DKK3: variants seen among roughly 807,000 people sequenced by gnomAD.
DKK3 encodes dickkopf-related protein 3.
Under a neutral mutation model 33.2 loss-of-function variants are expected in DKK3, and 22 were observed. That is an observed-to-expected ratio of 0.66 (90% CI 0.47 to 0.95). The LOEUF is 0.95. DKK3 is among the 40% of genes least tolerant of loss of function. The pLI is 0.00. For missense variants in DKK3, 398 were observed against 458.4 expected, an observed-to-expected ratio of 0.87 and a Z score of 1.20; for synonymous variants, 194 against 188.8, an observed-to-expected ratio of 1.03 and a Z score of -0.23.
chr11:11,964,938 C>G (rs1847551302), intron 6 of DKK3, among the ~76,000 whole-genome samples: 1 of 152,188 alleles, frequency 6.6e-6, no homozygotes, highest in South Asian at 2.1e-4. Flanking sequence ...TCCTGTGACT[C>G]TCAGGCCCCG....
At chr11:12,009,461 TCACGCCC>T (rs940619822), upstream of DKK3, 9 of 870,292 alleles carry the variant, frequency 1.0e-5, no homozygotes, top group Non-Finnish European at 1.2e-5. Context: ...GCCGGCCACC[TCACGCCC>T]CACGCCCCAC....
chr11:11,997,570 GA>G (rs1425442062), intron 3 of DKK3, among the ~76,000 whole-genome samples: 1 of 152,156 alleles, frequency 6.6e-6, no homozygotes, highest in East Asian at 1.9e-4. Context: ...TGAAGATGGG[GA>G]AACTGAGGTG....
chr11:12,008,670 C>G, upstream of DKK3: 1 of 1,223,502 alleles, frequency 8.2e-7, no homozygotes, highest in Non-Finnish European at 1.0e-6. The surrounding 1 kb of genome is among the most constrained non-coding windows in gnomAD (Gnocchi z 4.6). Flanking sequence ...GCCCGCCGCC[C>G]CGCCCCGTTC....
upstream of DKK3, chr11:12,009,294 G>A: frequency 1.0e-6 from 1 of 983,376 alleles, no homozygotes; most frequent in South Asian, 4.7e-5. Flanking sequence ...GCGGGAGCGC[G>A]GCGGGGTGCG....
chr11:11,977,023 C>G (rs1356350290), intron 3 of DKK3, among the ~76,000 whole-genome samples: 1 of 152,150 alleles, frequency 6.6e-6, no homozygotes, highest in Non-Finnish European at 1.5e-5. Context: ...TGTGGAAAAA[C>G]CCAGGCAGGA....
At position 11,998,594 on chromosome 11, in the gene DKK3, C is replaced by A. The variant is rs908503036; in HGVS notation, c.435+102G>T. ...GGTAGAAATGAGTCAGGAGACTCCA[C>A]TCCCTCCTGCCCATGGTCTGCATCT... On this transcript the variant is annotated intron_variant, in intron 3 of 6. Coordinates refer to ENST00000683431, the MANE Select transcript of DKK3 (RefSeq NM_001018057.2). 5.3e-5 allele frequency: 53 copies of A among 1,006,532 alleles called. No homozygotes were observed. In the African/African-American group the frequency reaches 7.0e-4, roughly 13 times the overall value. 62.4% of individuals were successfully genotyped at this position (1,006,532 alleles called of 1,614,324 possible).
At position 11,993,759 on chromosome 11, in the gene DKK3, T is replaced by G. The variant is rs112917972; in HGVS notation, c.435+4937A>C. ...GAAACACAAATGTACCCAAACTCTG[T>G]GTGGTTGTCAGACTATGGAACTGAA... is the stretch of plus-strand genomic sequence containing the variant. On this transcript the variant is annotated intron_variant, in intron 3 of 6. Coordinates refer to ENST00000683431, the MANE Select transcript of DKK3 (RefSeq NM_001018057.2). 7.0e-3 allele frequency among the ~76,000 whole-genome samples: 1,064 copies of G among 152,312 alleles called. 8 individuals are homozygous for G. Among genetic ancestry groups the G allele is most frequent in the Non-Finnish European group, 0.01 (713 of 68,026 alleles).
rs1033517532 is a variant in DKK3 at position 12,008,333 on chromosome 11, C to G, written c.213+37G>C. ...CCAGACTTCGCTGCCCCCAGTCTGGCGCTTCTCAGAGCCCCGCGCCGCCAG... is the reference window on the plus strand; with the variant it reads ...CCAGACTTCGCTGCCCCCAGTCTGGGGCTTCTCAGAGCCCCGCGCCGCCAG... On this transcript the variant is annotated intron_variant, in intron 1 of 6. Coordinates refer to ENST00000683431, the MANE Select transcript of DKK3 (RefSeq NM_001018057.2). This position sits in a 1 kb window ranked among gnomAD's most constrained non-coding sequence, Gnocchi z 4.6. The G allele has an allele frequency of 6.3e-7, 1 of 1,577,734 alleles. No individual in the cohort carries two copies.
chr11:11,979,111 G>C (rs2035934), intron 3 of DKK3: 8,312 of 152,440 alleles, frequency 0.055, 511 homozygotes, highest in African/African-American at 0.15. Flanking sequence ...TCACAACAGC[G>C]AGAACCTCAG....
chr11:11,985,701 C>G (rs2135054264), intron 3 of DKK3, among the ~76,000 whole-genome samples: 2 of 152,334 alleles, frequency 1.3e-5, no homozygotes, highest in Middle Eastern at 3.4e-3. Context: ...ATCTTTAACT[C>G]AGGGCTAGTA....
chr11:11,998,376 T>C (rs1409715356), intron 3 of DKK3: 1 of 439,280 alleles, frequency 2.3e-6, no homozygotes. Flanking sequence ...CACCACCTGA[T>C]ATACCAGGTC....
rs768220091 is a variant in DKK3 at position 11,964,490 on chromosome 11, C to T, written c.1027G>A (p.Ala343Thr). Reference sequence around the variant, plus strand: ...TAAATCTCTTCCCCTCCCAGCAGTGCAGCGGCGGCAGCCGCAGGCTCCCTC... The same window carrying T: ...TAAATCTCTTCCCCTCCCAGCAGTGTAGCGGCGGCAGCCGCAGGCTCCCTC... ...ALREPAAAAAALLGGEEI is the reference protein window; with the variant it reads ...ALREPAAAAATLLGGEEI The change falls in exon 7 of 7, where the codon GCA becomes ACA. Residue 343 changes from alanine (A) to threonine (T), a missense_variant. Ala to Thr is a moderately conservative substitution (Grantham distance 58). Coordinates refer to ENST00000683431, the MANE Select transcript of DKK3 (RefSeq NM_001018057.2). The T allele has an allele frequency of 1.5e-5, 24 of 1,612,668 alleles. No individual in the cohort carries two copies. Among genetic ancestry groups the T allele is most frequent in the Admixed American group, 5.0e-5 (3 of 60,032 alleles).
In DKK3 at chr11:11,968,476, G is replaced by C; in HGVS notation, c.447C>G (p.Ile149Met). Reference sequence around the variant, plus strand: ...ACATGCTGGGCCCACAGTCCTCGTCGATGATGCACTCCTGGGGAAGGGCAC... The same window carrying C: ...ACATGCTGGGCCCACAGTCCTCGTCCATGATGCACTCCTGGGGAAGGGCAC... ...EEGRRSHECI[I>M]DEDCGPSMYC... Residue 149 changes from isoleucine (I) to methionine (M), a missense_variant, in exon 4 of 7, where the codon ATC (isoleucine) becomes ATG (methionine). Coordinates refer to ENST00000683431, the MANE Select transcript of DKK3 (RefSeq NM_001018057.2). 1 of 1,613,068 alleles carries C rather than the reference G, an allele frequency of 6.2e-7. No individual in the cohort carries two copies. Among genetic ancestry groups the C allele is most frequent in the South Asian group, 1.1e-5 (1 of 90,954 alleles).
chr11:11,968,602 C>A, intron 3 of DKK3, 115 bp from the exon 4 acceptor site: 1 of 1,029,946 alleles, frequency 9.7e-7, no homozygotes, highest in East Asian at 2.8e-5. Context: ...ACAGGCTCAG[C>A]AGGGTCAGGA....
rs1847616388 is a variant in DKK3 at position 11,967,111 on chromosome 11, G to C, written c.529-13C>G. On this transcript the variant is annotated splice_polypyrimidine_tract_variant and intron_variant, in intron 4 of 6. Transcript: ENST00000683431. ...CCCGGGTGCAGAGCTGCAGACAGGT[G>C]GAAAGAGCCTAGAGCCAGCGGCTTA... 16 of 1,612,314 alleles carry C rather than the reference G, an allele frequency of 9.9e-6. No homozygotes were observed. Among genetic ancestry groups the C allele is most frequent in the Non-Finnish European group, 1.3e-5 (15 of 1,179,374 alleles).
intron 2 of DKK3, among the ~76,000 whole-genome samples, chr11:12,001,387 C>T (rs886992273): frequency 2.0e-5 from 3 of 152,200 alleles, no homozygotes; most frequent in African/African-American, 7.2e-5. Context: ...AAAAATTGAT[C>T]CCCTGTGCTC....
chr11:12,000,924 A>T (rs190145635), intron 2 of DKK3, among the ~76,000 whole-genome samples: 134 of 152,296 alleles, frequency 8.8e-4, no homozygotes, highest in Non-Finnish European at 1.5e-3. Context: ...TTTGCATTGC[A>T]TTTTACAGTT....
chr11:11,968,893 T>G (rs1176882949), intron 3 of DKK3: 1 of 156,050 alleles, frequency 6.4e-6, no homozygotes, highest in Non-Finnish European at 1.4e-5. Flanking sequence ...CCCCAAGGGC[T>G]CTGCTGACTG....
chr11:11,972,637 G>A (rs992591908), intron 3 of DKK3, among the ~76,000 whole-genome samples: 11 of 152,214 alleles, frequency 7.2e-5, no homozygotes, highest in Non-Finnish European at 1.6e-4. Flanking sequence ...TCTACCCTTA[G>A]TAGAACTGAG....
Sources: gnomAD v4.1 joint callset for allele counts (sites outside exome capture counted in the v4.1 genomes callset) on GRCh38, gnomAD v4.1.1 for gene constraint, Gnocchi (gnomAD v3.1) non-coding constraint, MANE v1.5 for transcripts, NCBI Gene and HGNC (gene_info 2026-07-23, HGNC 2026-07-21) for gene names.